The following SH3RF3 variants were observed in gnomAD, a reference collection of about 807,000 sequenced individuals.
The protein encoded by SH3RF3 is E3 ubiquitin-protein ligase SH3RF3.
In SH3RF3, 29 loss-of-function variants were observed where a neutral mutation model predicts 66.3. The ratio of observed to expected loss-of-function variants is 0.44; its 90% CI spans 0.33 to 0.60. The LOEUF (loss-of-function observed/expected upper bound fraction) is 0.60. Ranked by LOEUF, SH3RF3 falls within the 20% of genes least tolerant of loss-of-function variation. SH3RF3 has a pLI of 0.04. For synonymous variants in SH3RF3, 583 were observed against 532.0 expected, an observed-to-expected ratio of 1.10 and a Z score of -1.32; for missense variants, 1,194 against 1,190.9, an observed-to-expected ratio of 1.00 and a Z score of -0.04.
intron 8 of SH3RF3, among the ~76,000 whole-genome samples, chr2:109,486,216 T>A (rs1344962602): frequency 6.6e-6 from 1 of 152,242 alleles, no homozygotes; most frequent in Non-Finnish European, 1.5e-5. Context: ...TTCTGATTGA[T>A]CACTTCCTAT....
intron 1 of SH3RF3, among the ~76,000 whole-genome samples, chr2:109,147,351 C>T (rs1677123358): frequency 6.6e-6 from 1 of 152,194 alleles, no homozygotes; most frequent in African/African-American, 2.4e-5. Context: ...GAGACTATCT[C>T]TGCGCTGATA....
At chr2:109,306,040 G>C (rs1681588016) in intron 1 of SH3RF3, among the ~76,000 whole-genome samples, 1 of 152,210 alleles carries the variant, frequency 6.6e-6, no homozygotes, top group South Asian at 2.1e-4. Flanking sequence ...GCTGCCTTCT[G>C]CTGGGCTCTT....
At chr2:109,286,405 C>T (rs1681031263) in intron 1 of SH3RF3, among the ~76,000 whole-genome samples, 2 of 152,300 alleles carry the variant, frequency 1.3e-5, no homozygotes, top group Admixed American at 6.5e-5. Flanking sequence ...AACCTGGAGG[C>T]CCAGAGGGGC....
At chr2:109,392,323 G>A (rs1428278466) in intron 3 of SH3RF3, among the ~76,000 whole-genome samples, 1 of 152,216 alleles carries the variant, frequency 6.6e-6, no homozygotes, top group Non-Finnish European at 1.5e-5. Context: ...GGGGTGAGCA[G>A]TAGCAATGGT....
At chr2:109,288,163 T>A (rs1240445485) in intron 1 of SH3RF3, among the ~76,000 whole-genome samples, 1 of 152,194 alleles carries the variant, frequency 6.6e-6, no homozygotes, top group African/African-American at 2.4e-5. Flanking sequence ...CAAGAAGAAC[T>A]CAAACTTAGA....
chr2:109,424,445 G>T (rs955336864), intron 5 of SH3RF3, among the ~76,000 whole-genome samples: 1 of 151,728 alleles, frequency 6.6e-6, no homozygotes, highest in Non-Finnish European at 1.5e-5. Flanking sequence ...TCATTTCATC[G>T]CACTTCACTT....
chr2:109,451,004 C>G (rs565223520), intron 8 of SH3RF3, among the ~76,000 whole-genome samples: 8 of 152,362 alleles, frequency 5.3e-5, no homozygotes, highest in African/African-American at 1.9e-4. Context: ...TGCCCATCAC[C>G]CTGGAGGCAG....
chr2:109,153,626 G>A (rs1677271275), intron 1 of SH3RF3, among the ~76,000 whole-genome samples: 1 of 152,210 alleles, frequency 6.6e-6, no homozygotes. Flanking sequence ...GTGAAAGAGT[G>A]TGGCATAGTA....
chr2:109,212,020 A>G (rs548049599), intron 1 of SH3RF3, among the ~76,000 whole-genome samples: 2 of 152,312 alleles, frequency 1.3e-5, no homozygotes, highest in South Asian at 4.1e-4. Flanking sequence ...CTGATTGAGC[A>G]CCTGCATTGG....
chr2:109,370,019 G>C (rs1001365071), intron 2 of SH3RF3, among the ~76,000 whole-genome samples: 4 of 152,182 alleles, frequency 2.6e-5, no homozygotes, highest in African/African-American at 9.7e-5. Context: ...TCACACATGG[G>C]CCAGCTGGTC....
At chr2:109,308,146 T>C (rs1391242223) in intron 1 of SH3RF3, among the ~76,000 whole-genome samples, 1 of 142,070 alleles carries the variant, frequency 7.0e-6, no homozygotes, top group Admixed American at 6.9e-5. Context: ...CTCATTGTGG[T>C]TTTGATTTGC....
At chr2:109,382,721 C>G (rs976516669) in intron 3 of SH3RF3, among the ~76,000 whole-genome samples, 20 of 152,220 alleles carry the variant, frequency 1.3e-4, no homozygotes, top group Non-Finnish European at 2.2e-4. Flanking sequence ...CTCCATTCTC[C>G]TGGCGAGAGA....
At position 109,383,058 on chromosome 2, in the gene SH3RF3, C is replaced by T. The variant is rs548741493; in HGVS notation, c.945+11377C>T. On this transcript the variant is annotated intron_variant, in intron 3 of 9. Coordinates refer to ENST00000309415, the MANE Select transcript of SH3RF3 (RefSeq NM_001099289.3). ...ACATTTAAAGAAGTTTGGAGGAAAC[C>T]GGTGTCAGATTCCATGCAGCCCTGA... Among the ~76,000 whole-genome samples, 6 of 152,332 alleles carry T rather than the reference C, an allele frequency of 3.9e-5. No individual in the cohort carries two copies. In the South Asian group the frequency reaches 6.2e-4, roughly 16 times the overall value.
chr2:109,386,690 G>A (rs1266242040), intron 3 of SH3RF3, among the ~76,000 whole-genome samples: 1 of 152,148 alleles, frequency 6.6e-6, no homozygotes, highest in African/African-American at 2.4e-5. Flanking sequence ...TCTCCCTCAG[G>A]TGTCAGTCCA....
intron 1 of SH3RF3, among the ~76,000 whole-genome samples, chr2:109,302,614 G>A (rs1050264213): frequency 2.0e-5 from 3 of 152,324 alleles, no homozygotes; most frequent in East Asian, 1.9e-4. Context: ...TCACTGCTGC[G>A]TAGGGGATTA....
At chr2:109,413,116 T>TTA (rs1209625751) in intron 4 of SH3RF3, among the ~76,000 whole-genome samples, 42 of 152,288 alleles carry the variant, frequency 2.8e-4, no homozygotes, top group Non-Finnish European at 3.7e-4. Context: ...TATCATTATT[T>TTA]TATATATATA....
chr2:109,237,498 G>C (rs933071563), intron 1 of SH3RF3, among the ~76,000 whole-genome samples: 4 of 152,218 alleles, frequency 2.6e-5, no homozygotes, highest in Non-Finnish European at 5.9e-5. Flanking sequence ...AAACAAGCTT[G>C]TCCAACCCGC....
Position 109,449,450 on chromosome 2 carries a change from C to CA in SH3RF3, c.2111dup (p.Asn704LysfsTer12). On this transcript the variant is annotated frameshift_variant, in exon 8 of 10. Coordinates refer to ENST00000309415, the MANE Select transcript of SH3RF3 (RefSeq NM_001099289.3). LOFTEE classifies it high-confidence loss of function. ...GTGTTCTGTCCACATCCAGCCCCACCAACACGGGATGCAAACTAGACGAGA... is the reference window on the plus strand; with the variant it reads ...GTGTTCTGTCCACATCCAGCCCCACCAAACACGGGATGCAAACTAGACGAGA... The CA allele has an allele frequency of 6.2e-7, 1 of 1,613,992 alleles. No individual in the cohort carries two copies. The highest frequency in any genetic ancestry group is 8.5e-7 in the Non-Finnish European group (1 of 1,179,884).
intron 2 of SH3RF3, among the ~76,000 whole-genome samples, chr2:109,353,198 T>C (rs774660341): frequency 2.7e-4 from 41 of 152,220 alleles, no homozygotes; most frequent in South Asian, 1.4e-3. Flanking sequence ...CCTGATCCAC[T>C]TCTGGCCCCC....
Sources: gnomAD v4.1 joint callset for allele counts (sites outside exome capture counted in the v4.1 genomes callset) on GRCh38, gnomAD v4.1.1 for gene constraint, MANE v1.5 for transcripts, NCBI Gene and HGNC (gene_info 2026-07-23, HGNC 2026-07-21) for gene names.